MCOLN2: variants seen among roughly 807,000 people sequenced by gnomAD.
MCOLN2 encodes mucolipin TRP cation channel 2.
Under a neutral mutation model 67.5 loss-of-function variants are expected in MCOLN2, and 57 were observed. That is an observed-to-expected ratio of 0.84 (90% CI 0.68 to 1.05). The LOEUF (loss-of-function observed/expected upper bound fraction) is 1.05, where lower values mean the gene tolerates loss of function less well. MCOLN2 is among the 50% of genes least tolerant of loss of function. MCOLN2 has a pLI of 0.00. For missense variants in MCOLN2, 620 were observed against 678.8 expected, an observed-to-expected ratio of 0.91 and a Z score of 0.96; for synonymous variants, 246 against 233.3, an observed-to-expected ratio of 1.05 and a Z score of -0.50.
intron 1 of MCOLN2, among the ~76,000 whole-genome samples, chr1:84,979,200 G>A (rs1306686553): frequency 1.3e-5 from 2 of 152,192 alleles, no homozygotes; most frequent in African/African-American, 4.8e-5. Context: ...CAATCAAGTT[G>A]ACACTCATAT....
chr1:84,959,859 C>G (rs928311842), intron 2 of MCOLN2, among the ~76,000 whole-genome samples: 2 of 152,112 alleles, frequency 1.3e-5, no homozygotes, highest in Admixed American at 1.3e-4. Flanking sequence ...TATGATACAT[C>G]TGAACAATAA....
intron 9 of MCOLN2, among the ~76,000 whole-genome samples, chr1:84,939,048 G>A (rs1482340018): frequency 1.3e-5 from 2 of 152,172 alleles, no homozygotes; most frequent in African/African-American, 4.8e-5. Flanking sequence ...TGTGGCTGGA[G>A]GGACCTCTGA....
intron 1 of MCOLN2, among the ~76,000 whole-genome samples, chr1:84,979,081 C>T (rs192015472): frequency 6.6e-6 from 1 of 152,212 alleles, no homozygotes; most frequent in East Asian, 1.9e-4. Context: ...TAGATTGTGT[C>T]CACCCAGAAT....
intron 1 of MCOLN2, among the ~76,000 whole-genome samples, chr1:84,992,740 T>C (rs1247192815): frequency 2.9e-5 from 3 of 102,890 alleles, no homozygotes; most frequent in African/African-American, 1.0e-4. Context: ...AAGTCTGCAA[T>C]AGCATTATGT....
chr1:84,931,636 C>T, intron 11 of MCOLN2, 68 bp from the exon 12 acceptor site: 1 of 1,323,764 alleles, frequency 7.6e-7, no homozygotes, highest in Non-Finnish European at 1.1e-6. Context: ...ATCTAGTTAG[C>T]TTGTTTTGTT....
intron 7 of MCOLN2, among the ~76,000 whole-genome samples, chr1:84,946,427 A>G (rs1380528894): frequency 6.6e-6 from 1 of 152,166 alleles, no homozygotes; most frequent in African/African-American, 2.4e-5. Context: ...AATTCATTTA[A>G]TATTCAATAT....
In MCOLN2 at chr1:84,952,249, C is replaced by T. The variant is rs200221202; in HGVS notation, c.741G>A (p.Gln247=). The part of the protein sequence containing the change: ...SRELPDCYVF[Q]NTIIFDNKAH... ...GTAAAACAAAGATACTTGCCGTATT[C>T]TGAAAGACATAACAGTCTGGTAACT... is the stretch of plus-strand genomic sequence containing the variant. The change falls in exon 6 of 14, where the codon CAG becomes CAA. Residue 247 remains glutamine (Q), a synonymous_variant. Coordinates refer to ENST00000370608, the MANE Select transcript of MCOLN2 (RefSeq NM_153259.4). 1.2e-6 allele frequency: 2 copies of T among 1,604,902 alleles called. No individual in the cohort carries two copies. The highest frequency in any genetic ancestry group is 2.7e-5 in the African/African-American group (2 of 74,500).
At chr1:84,977,137 T>TC (rs1246371407) in intron 1 of MCOLN2, among the ~76,000 whole-genome samples, 1 of 151,924 alleles carries the variant, frequency 6.6e-6, no homozygotes, top group Non-Finnish European at 1.5e-5. Context: ...GTTATTTTTT[T>TC]TGCTTGTTTG....
rs753166272 is a variant in MCOLN2 at position 84,937,850 on chromosome 1, G to A, written c.1240C>T (p.Leu414=). ...NVLILTMQAS[L]PKVLRFCACA... is the part of the protein sequence containing the mutation. ...GCACAAAACCGAAGAACTTTTGGCA[G>A]TGAGGCCTGCATTGTTAAAATCAGC... Residue 414 remains leucine, a synonymous_variant, in exon 11 of 14, where the codon CTG becomes TTG. Coordinates refer to ENST00000370608, the MANE Select transcript of MCOLN2 (RefSeq NM_153259.4). The A allele has an allele frequency of 1.2e-6, 2 of 1,614,080 alleles. No individual in the cohort carries two copies. Among genetic ancestry groups the A allele is most frequent in the African/African-American group, 2.7e-5 (2 of 74,924 alleles).
intron 2 of MCOLN2, among the ~76,000 whole-genome samples, chr1:84,961,153 T>C (rs983152106): frequency 2.0e-5 from 3 of 152,172 alleles, no homozygotes; most frequent in African/African-American, 7.2e-5. Context: ...TTTATCCAGG[T>C]TGGAATATCC....
At position 84,929,564 on chromosome 1, in the gene MCOLN2, C is replaced by T. The variant is rs371239088; in HGVS notation, c.1658G>A (p.Arg553Gln). 27 of 1,612,728 alleles carry T rather than the reference C, an allele frequency of 1.7e-5. No homozygotes were observed. Among genetic ancestry groups the T allele is most frequent in the African/African-American group, 1.2e-4 (9 of 74,876 alleles). ...GAATAAACATGATACTGACCTCCTC[C>T]GACAGCAGATGCAGGACAGGAAGGC... ...SSAFLSCICCRRRKRSDDHLI... is the reference protein window; with the variant it reads ...SSAFLSCICCQRRKRSDDHLI... Residue 553 changes from arginine to glutamine, a missense_variant, in exon 13 of 14, where the codon CGG (arginine) becomes CAG (glutamine). Physicochemically the swap from Arg to Gln is conservative, Grantham distance 43 (BLOSUM62 1). Transcript: ENST00000370608.
In MCOLN2 at chr1:84,929,653, T is replaced by G; in HGVS notation, c.1569A>C (p.Glu523Asp). ...IKKFQQNGFP[E>D]TDLQEFLKEC... is the part of the protein sequence containing the mutation. ...CCTTCAGGAATTCCTGCAAATCCGT[T>G]TCAGGAAACCCATTCTGTTGGAATT... The change falls in exon 13 of 14, where the codon GAA becomes GAC. Residue 523 changes from glutamate (E) to aspartate (D), a missense_variant. Transcript: ENST00000370608. The G allele has an allele frequency of 6.2e-7, 1 of 1,613,654 alleles. No homozygotes were observed. Among genetic ancestry groups the G allele is most frequent in the Non-Finnish European group, 8.5e-7 (1 of 1,179,680 alleles).
rs1254976571 is a variant in MCOLN2, at chr1:84,990,083, T to A, written c.77+6713A>T. Among the ~76,000 whole-genome samples the A allele has an allele frequency of 2.0e-5, 3 of 151,304 alleles. 1 individual carries two copies. In the East Asian group the frequency reaches 5.8e-4, roughly 29 times the overall value. On this transcript the variant is annotated intron_variant, in intron 1 of 13. Transcript: ENST00000370608. Reference sequence around the variant, plus strand: ...AGGCCAAGGCAGGCGGATCACGAGGTCAGGAGTTTGAGGCAAGTCTGGCCA... The same window carrying A: ...AGGCCAAGGCAGGCGGATCACGAGGACAGGAGTTTGAGGCAAGTCTGGCCA...
intron 7 of MCOLN2, among the ~76,000 whole-genome samples, chr1:84,944,840 T>C (rs888188437): frequency 2.0e-5 from 3 of 152,108 alleles, no homozygotes; most frequent in African/African-American, 7.2e-5. Context: ...TTAGAAATAG[T>C]GTAAGTGTCC....
chr1:84,937,844 T>C lies in MCOLN2; in HGVS notation c.1246A>G (p.Lys416Glu), dbSNP rs1647520951. ...LILTMQASLP[K>E]VLRFCACAGM... ...GCACAAGCACAAAACCGAAGAACTT[T>C]TGGCAGTGAGGCCTGCATTGTTAAA... is the stretch of plus-strand genomic sequence containing the variant. Residue 416 changes from lysine to glutamate, a missense_variant, in exon 11 of 14, where the codon AAA (lysine) becomes GAA (glutamate). By Grantham distance (56) the Lys-to-Glu change is moderately conservative. Transcript: ENST00000370608. 6.2e-7 allele frequency: 1 copy of C among 1,614,180 alleles called. No homozygotes were observed. Among genetic ancestry groups the C allele is most frequent in the Non-Finnish European group, 8.5e-7 (1 of 1,180,024 alleles).
intron 1 of MCOLN2, among the ~76,000 whole-genome samples, chr1:84,978,641 AC>A (rs1421435062): frequency 2.0e-5 from 3 of 152,172 alleles, no homozygotes; most frequent in Non-Finnish European, 4.4e-5. Flanking sequence ...CCAAGATTGA[AC>A]CAGGATGAAA....
Position 84,961,009 on chromosome 1 carries a change from G to T in MCOLN2, c.238-2307C>A, listed in dbSNP as rs189490834. On this transcript the variant is annotated intron_variant, in intron 2 of 13. Coordinates refer to ENST00000370608, the MANE Select transcript of MCOLN2 (RefSeq NM_153259.4). ...CCTATTATTACACTGGGCTCTGCAA[G>T]GACAGGAATGTTTTTCCTTTTTCCC... Among the ~76,000 whole-genome samples, 46 of 152,306 alleles carry T rather than the reference G, an allele frequency of 3.0e-4. 1 individual carries two copies. Among genetic ancestry groups the T allele is most frequent in the African/African-American group, 1.0e-3 (42 of 41,568 alleles).
Position 84,977,711 on chromosome 1 carries a change from A to G in MCOLN2, c.78-12003T>C, listed in dbSNP as rs368240974. ...ATATAAGAATTTTAAATATATATGT[A>G]CCCAACATTGGAGCACCCAGATATA... On this transcript the variant is annotated intron_variant, in intron 1 of 13. Coordinates refer to ENST00000370608, the MANE Select transcript of MCOLN2 (RefSeq NM_153259.4). Among the ~76,000 whole-genome samples, 37 of 152,316 alleles carry G rather than the reference A, an allele frequency of 2.4e-4. No homozygotes were observed. In the East Asian group the frequency reaches 5.2e-3, roughly 21 times the overall value.
Position 84,985,830 on chromosome 1 carries a change from A to G in MCOLN2, c.77+10966T>C, listed in dbSNP as rs111763215. 1.5e-3 allele frequency among the ~76,000 whole-genome samples: 224 copies of G among 152,332 alleles called. 1 individual carries two copies. The highest frequency in any genetic ancestry group is 5.2e-3 in the African/African-American group (217 of 41,578). On this transcript the variant is annotated intron_variant, in intron 1 of 13. Coordinates refer to ENST00000370608, the MANE Select transcript of MCOLN2 (RefSeq NM_153259.4). ...ATGGAAACACATCCCACGCTCATGG[A>G]TGGGTAGAATCAATATTGTGAAAAT...
Sources: gnomAD v4.1 joint callset for allele counts (sites outside exome capture counted in the v4.1 genomes callset) on GRCh38, gnomAD v4.1.1 for gene constraint, MANE v1.5 for transcripts, NCBI Gene and HGNC (gene_info 2026-07-23, HGNC 2026-07-21) for gene names.